Variants in TMPRSS15 observed in about 807,000 individuals in gnomAD.
TMPRSS15 encodes the protein transmembrane serine protease 15.
TMPRSS15 carries 128 observed loss-of-function variants against 125.3 expected under a neutral mutation model. That is an observed-to-expected ratio of 1.02 (90% CI 0.89 to 1.18). The LOEUF (loss-of-function observed/expected upper bound fraction) is 1.18, where lower values mean the gene tolerates loss of function less well. Ranked by LOEUF, TMPRSS15 falls within the 50% of genes most tolerant of loss-of-function variation. The pLI is 0.00. For missense variants in TMPRSS15, 1,283 were observed against 1,212.7 expected, an observed-to-expected ratio of 1.06 and a Z score of -0.86; for synonymous variants, 446 against 423.2, an observed-to-expected ratio of 1.05 and a Z score of -0.66.
intron 1 of TMPRSS15, among the ~76,000 whole-genome samples, chr21:18,436,381 C>T (rs1012796726): frequency 2.0e-5 from 3 of 151,892 alleles, no homozygotes; most frequent in Admixed American, 6.6e-5. Context: ...GCCTTCATTT[C>T]GTTATGTACC....
intron 6 of TMPRSS15, among the ~76,000 whole-genome samples, chr21:18,369,098 A>T (rs1183835243): frequency 6.6e-6 from 1 of 152,146 alleles, no homozygotes; most frequent in Non-Finnish European, 1.5e-5. Context: ...TCAGAAAAAA[A>T]AATCTAAGTA....
chr21:18,279,109 A>G, intron 22 of TMPRSS15, 50 bp from the exon 23 acceptor site: 2 of 956,318 alleles, frequency 2.1e-6, no homozygotes, highest in Non-Finnish European at 3.4e-6. Context: ...AAAAGAAAGA[A>G]CAGATTTACA....
Position 18,352,864 on chromosome 21 carries a change from A to G in TMPRSS15, c.1171+39T>C, listed in dbSNP as rs374846287. ...ATACCTCTTTCCTTTTGATTTATGA[A>G]TTAAAATCCTTTTGACTTCTGAATT... On this transcript the variant is annotated intron_variant, in intron 10 of 24. Coordinates refer to ENST00000284885, the MANE Select transcript of TMPRSS15 (RefSeq NM_002772.3). 1.3e-5 allele frequency: 21 copies of G among 1,602,636 alleles called. No individual in the cohort carries two copies. In the African/African-American group the frequency reaches 2.8e-4, roughly 21 times the overall value.
Position 18,398,345 on chromosome 21 carries a change from A to C in TMPRSS15, c.146-16T>G. On this transcript the variant is annotated splice_polypyrimidine_tract_variant and intron_variant, in intron 1 of 24. Transcript: ENST00000284885. Reference sequence around the variant, plus strand: ...AGTGCTGCACCTAGATAAATTAATAAGGAAAAAACACTAAGATTTTGGATT... The same window carrying C: ...AGTGCTGCACCTAGATAAATTAATACGGAAAAAACACTAAGATTTTGGATT... 3.7e-6 allele frequency: 6 copies of C among 1,612,946 alleles called. No individual in the cohort carries two copies. Among genetic ancestry groups the C allele is most frequent in the Non-Finnish European group, 5.1e-6 (6 of 1,179,412 alleles).
intron 1 of TMPRSS15, among the ~76,000 whole-genome samples, chr21:18,444,851 T>C (rs111487354): frequency 0.09 from 13,637 of 152,166 alleles, 707 homozygotes; most frequent in African/African-American, 0.13. Flanking sequence ...AGTCTCCCCC[T>C]TACCTCCTCT....
intron 1 of TMPRSS15, among the ~76,000 whole-genome samples, chr21:18,424,970 C>T (rs4818409): frequency 0.38 from 57,038 of 148,568 alleles, 11,675 homozygotes; most frequent in Middle Eastern, 0.49. Context: ...TGTATGAATA[C>T]ATATGATATA....
At chr21:18,379,940 C>G (rs1031930558) in intron 4 of TMPRSS15, among the ~76,000 whole-genome samples, 13 of 151,726 alleles carry the variant, frequency 8.6e-5, no homozygotes, top group African/African-American at 3.1e-4. Flanking sequence ...ATTACTATAC[C>G]AAAAGTAATA....
At chr21:18,353,412 A>T (rs1358566569) in intron 9 of TMPRSS15, among the ~76,000 whole-genome samples, 1 of 151,884 alleles carries the variant, frequency 6.6e-6, no homozygotes, top group Non-Finnish European at 1.5e-5. Flanking sequence ...AATTAAGTTT[A>T]TGTAGAATTT....
chr21:18,410,116 A>ATTTTTTTTTTTT (rs71191404), intron 1 of TMPRSS15, among the ~76,000 whole-genome samples: 1 of 138,618 alleles, frequency 7.2e-6, no homozygotes, highest in African/African-American at 2.7e-5. Context: ...CTGGATATGC[A>ATTTTTTTTTTTT]TTTTTTTTTT....
chr21:18,357,257 C>G (rs919417758), intron 8 of TMPRSS15, among the ~76,000 whole-genome samples: 1 of 151,836 alleles, frequency 6.6e-6, no homozygotes, highest in African/African-American at 2.4e-5. Context: ...TTTGAAATAA[C>G]TTTCCCAGCA....
chr21:18,397,746 T>C, intron 3 of TMPRSS15, 133 bp downstream of exon 3: 1 of 544,770 alleles, frequency 1.8e-6, no homozygotes, highest in South Asian at 2.6e-5. Flanking sequence ...GCTGTGCCAC[T>C]TTGCTTAATC....
chr21:18,308,348 G>T (rs1162153001), intron 18 of TMPRSS15, among the ~76,000 whole-genome samples: 2 of 150,130 alleles, frequency 1.3e-5, no homozygotes, highest in African/African-American at 4.9e-5. Flanking sequence ...AGTTTTTGTT[G>T]AAGTTTATAC....
rs146076572 is a variant in TMPRSS15 at position 18,377,402 on chromosome 21, G to T, written c.532+1881C>A. Among the ~76,000 whole-genome samples, 22 of 152,042 alleles carry T rather than the reference G, an allele frequency of 1.4e-4. No individual in the cohort carries two copies. The East Asian group carries it at 4.3e-3, about 29-fold the overall frequency. ...CAATTCTGTTTCATCAAACTCAGAA[G>T]GGGGAAGGAGTAGGGATCTAATATT... On this transcript the variant is annotated intron_variant, in intron 5 of 24. Coordinates refer to ENST00000284885, the MANE Select transcript of TMPRSS15 (RefSeq NM_002772.3).
chr21:18,470,150 C>T (rs1601474210), intron 1 of TMPRSS15, among the ~76,000 whole-genome samples: 1 of 151,918 alleles, frequency 6.6e-6, no homozygotes, highest in African/African-American at 2.4e-5. Context: ...TGAGAATAGC[C>T]TTTGCTCTCT....
chr21:18,296,548 G>A (rs902265336), intron 19 of TMPRSS15, among the ~76,000 whole-genome samples: 11 of 152,128 alleles, frequency 7.2e-5, no homozygotes, highest in Admixed American at 3.3e-4. Flanking sequence ...AATGATACTG[G>A]CATTTCGTTG....
At chr21:18,336,412 C>A (rs2075393794) in intron 13 of TMPRSS15, among the ~76,000 whole-genome samples, 1 of 152,070 alleles carries the variant, frequency 6.6e-6, no homozygotes, top group African/African-American at 2.4e-5. Context: ...ATACACAAAT[C>A]TTTTGGTATC....
intron 3 of TMPRSS15, among the ~76,000 whole-genome samples, chr21:18,391,401 CA>C (rs952330703): frequency 2.0e-5 from 3 of 152,178 alleles, no homozygotes; most frequent in African/African-American, 7.2e-5. Context: ...AAAATTTGGA[CA>C]AAACAAAGGG....
At chr21:18,361,152 G>C (rs1294027104) in intron 7 of TMPRSS15, among the ~76,000 whole-genome samples, 5 of 151,988 alleles carry the variant, frequency 3.3e-5, no homozygotes, top group African/African-American at 4.8e-5. Context: ...ATTTAAATTA[G>C]ATATTTAAAC....
Position 18,305,183 on chromosome 21 carries a change from C to CTTTTTTTTTTTTTT in TMPRSS15, c.2166-7368_2166-7355dup, listed in dbSNP as rs59103494. ...GGATTCCAGGATTTGAATTTCCGTACTTTTTTTTTTTTTTTTTTTTTTTGA... is the reference window on the plus strand; with the variant it reads ...GGATTCCAGGATTTGAATTTCCGTACTTTTTTTTTTTTTTTTTTTTTTTTTTTTTTTTTTTTTGA... On this transcript the variant is annotated intron_variant, in intron 18 of 24. Coordinates refer to ENST00000284885, the MANE Select transcript of TMPRSS15 (RefSeq NM_002772.3). 3.5e-5 allele frequency among the ~76,000 whole-genome samples: 3 copies of CTTTTTTTTTTTTTT among 86,054 alleles called. 1 individual carries two copies. The highest frequency in any genetic ancestry group is 1.3e-4 in the African/African-American group (3 of 22,584). The allele number at this position is 86,054 out of a possible 152,430, so 56.5% of individuals were successfully genotyped here.
Sources: gnomAD v4.1 joint callset for allele counts (sites outside exome capture counted in the v4.1 genomes callset) on GRCh38, gnomAD v4.1.1 for gene constraint, MANE v1.5 for transcripts, NCBI Gene and HGNC (gene_info 2026-07-23, HGNC 2026-07-21) for gene names.